Variants in AMZ1 observed in about 807,000 individuals in gnomAD.
AMZ1 encodes the protein archaemetzincin-1.
AMZ1 carries 39 observed loss-of-function variants against 29.9 expected under a neutral mutation model. The observed-to-expected ratio is 1.30, with a 90% CI of 1.01 to 1.70. AMZ1 has a LOEUF of 1.70. Among genes scored for constraint, AMZ1 ranks in the 40% most tolerant of loss-of-function variants. AMZ1 has a pLI of 0.00. For missense variants in AMZ1, 1,041 were observed against 680.6 expected (o/e 1.53, Z -5.89); for synonymous variants, 458 against 304.0 (o/e 1.51, Z -5.27).
upstream of AMZ1, chr7:2,760,304 T>C (rs1791497082): frequency 1.3e-5 from 2 of 152,488 alleles, no homozygotes; most frequent in South Asian, 4.1e-4. Flanking sequence ...CACAACCTGC[T>C]GTGTTCTGCA....
At chr7:2,722,335 C>T (rs1335065010), downstream of AMZ1, among the ~76,000 whole-genome samples, 6 of 151,630 alleles carry the variant, frequency 4.0e-5, no homozygotes, top group South Asian at 2.1e-4. Flanking sequence ...TGCAGTGGCG[C>T]GATCTCGGCT....
At chr7:2,733,420 C>A (rs1273636390) in intron 4 of AMZ1, 5 of 1,605,696 alleles carry the variant, frequency 3.1e-6, no homozygotes, top group Non-Finnish European at 3.4e-6. Context: ...ACCCTGGAGC[C>A]CAGCTTCTTC....
chr7:2,699,181 G>A (rs1031633152), intron 1 of AMZ1, among the ~76,000 whole-genome samples: 18 of 152,100 alleles, frequency 1.2e-4, no homozygotes, highest in African/African-American at 4.3e-4. Context: ...ATCCGCCCTG[G>A]CAGGTCTCAC....
chr7:2,749,543 G>A (rs1184682928), intron 4 of AMZ1, among the ~76,000 whole-genome samples: 1 of 151,806 alleles, frequency 6.6e-6, no homozygotes, highest in Non-Finnish European at 1.5e-5. Context: ...GATAGCATTA[G>A]GAGATATACC....
chr7:2,681,416 C>T (rs1009009668), intron 1 of AMZ1, among the ~76,000 whole-genome samples: 10 of 152,024 alleles, frequency 6.6e-5, no homozygotes, highest in Admixed American at 5.9e-4. Context: ...CCACCACGCC[C>T]GGCTAATTTT....
chr7:2,709,660 C>G lies in AMZ1; in HGVS notation c.792C>G (p.Cys264Trp), dbSNP rs1241621086. 6.2e-7 allele frequency: 1 copy of G among 1,609,910 alleles called. No individual in the cohort carries two copies. ...QCCKVTCHEL[C>W]HLLGLGNCRW... The stretch of plus-strand genomic sequence containing the variant: ...CCCAGGTCACGTGCCACGAGCTCTG[C>G]CACCTTCTGGGCCTGGGGAACTGCC... Residue 264 changes from cysteine (C) to tryptophan (W), a missense_variant, in exon 6 of 7, where the codon TGC becomes TGG. Transcript: ENST00000683327.
chr7:2,696,013 G>GAAA (rs35492098), intron 1 of AMZ1, among the ~76,000 whole-genome samples: 6 of 107,206 alleles, frequency 5.6e-5, no homozygotes, highest in Non-Finnish European at 6.3e-5. Context: ...TCTTGGGGGG[G>GAAA]AAAAAAAAAA....
Position 2,716,809 on chromosome 7 carries a change from G to T in AMZ1, c.*3931G>T, listed in dbSNP as rs1789149043. 6.6e-6 allele frequency among the ~76,000 whole-genome samples: 1 copy of T among 152,180 alleles called. No homozygotes were observed. The highest frequency in any genetic ancestry group is 2.4e-5 in the African/African-American group (1 of 41,422). ...AACGGAATTTTTTTACATCATCATC[G>T]AGTCTCGAAATGACCTGTAAGGCAG... On this transcript the variant is annotated 3_prime_UTR_variant, in exon 7 of 7. Transcript: ENST00000683327.
chr7:2,743,605 G>T (rs28835381), intron 4 of AMZ1, among the ~76,000 whole-genome samples: 1 of 152,182 alleles, frequency 6.6e-6, no homozygotes, highest in Non-Finnish European at 1.5e-5. Flanking sequence ...AGCTCCCAGC[G>T]TGAGCAATGC....
intron 1 of AMZ1, among the ~76,000 whole-genome samples, chr7:2,694,475 C>T (rs1408936700): frequency 1.3e-5 from 2 of 152,056 alleles, no homozygotes; most frequent in Non-Finnish European, 2.9e-5. Flanking sequence ...ATTTTATTTT[C>T]ATAGAGTAGA....
At chr7:2,721,262 T>C (rs1405004814), downstream of AMZ1, among the ~76,000 whole-genome samples, 4 of 152,222 alleles carry the variant, frequency 2.6e-5, no homozygotes, top group Non-Finnish European at 5.9e-5. Flanking sequence ...GGCCCTGTGC[T>C]GAGCGCTCAC....
intron 4 of AMZ1, among the ~76,000 whole-genome samples, chr7:2,748,687 G>A (rs1186700028): frequency 6.6e-6 from 1 of 152,170 alleles, no homozygotes; most frequent in Admixed American, 6.5e-5. Context: ...AAGAGTTTCT[G>A]CACAGCAAAA....
intron 4 of AMZ1, among the ~76,000 whole-genome samples, chr7:2,744,090 G>C (rs1008092870): frequency 5.9e-5 from 9 of 152,232 alleles, no homozygotes; most frequent in African/African-American, 1.9e-4. Flanking sequence ...TCCCCCTCTG[G>C]GGGCAGGGCA....
intron 1 of AMZ1, among the ~76,000 whole-genome samples, chr7:2,699,533 C>A (rs1314077807): frequency 1.4e-5 from 2 of 141,244 alleles, no homozygotes; most frequent in African/African-American, 2.5e-5. Flanking sequence ...GTACCCCCGC[C>A]CCCCCCCAAA....
chr7:2,698,335 T>G (rs750186164), intron 1 of AMZ1, among the ~76,000 whole-genome samples: 9 of 152,164 alleles, frequency 5.9e-5, no homozygotes, highest in Non-Finnish European at 1.2e-4. Context: ...GTCAGGAGTT[T>G]GAGACCAGCC....
rs140485254 is a variant in AMZ1, at chr7:2,700,746, C to T, written c.295C>T (p.Gln99Ter). 1.1e-4 allele frequency: 174 copies of T among 1,612,666 alleles called. No individual in the cohort carries two copies. Among genetic ancestry groups the T allele is most frequent in the Admixed American group, 2.3e-4 (14 of 60,026 alleles). ...CCTGGCTCGGAAGCACATCTACCTA[C>T]AGCCGATAGGTACGGGACGCCTGCA... is the stretch of plus-strand genomic sequence containing the variant. The part of the protein sequence containing the change: ...PRLARKHIYL[Q>*]PIDLSEEPVG... Residue 99 changes from glutamine to a stop codon, truncating the protein, a stop_gained, in exon 2 of 7, where the codon CAG becomes TAG. Coordinates refer to ENST00000683327, the MANE Select transcript of AMZ1 (RefSeq NM_001384743.1). LOFTEE classifies it high-confidence loss of function.
intron 4 of AMZ1, among the ~76,000 whole-genome samples, chr7:2,735,163 CCTCCTGCT>C (rs1790102813): frequency 6.6e-6 from 1 of 152,182 alleles, no homozygotes; most frequent in Non-Finnish European, 1.5e-5. Context: ...TCTCCTGCCT[CCTCCTGCT>C]CTCCTGCCCT....
At chr7:2,708,129 A>C (rs369002593) in intron 3 of AMZ1, among the ~76,000 whole-genome samples, 1 of 151,916 alleles carries the variant, frequency 6.6e-6, no homozygotes, top group Non-Finnish European at 1.5e-5. Context: ...GGCCTTACCG[A>C]GGGTTCTTGT....
intron 6 of AMZ1, 79 bp downstream of exon 6, chr7:2,709,895 G>A: frequency 6.4e-7 from 1 of 1,557,354 alleles, no homozygotes; most frequent in Non-Finnish European, 8.7e-7. Flanking sequence ...AGGCTACGCA[G>A]GGCATGGGGA....
Sources: gnomAD v4.1 joint callset for allele counts (sites outside exome capture counted in the v4.1 genomes callset) on GRCh38, gnomAD v4.1.1 for gene constraint, MANE v1.5 for transcripts, NCBI Gene and HGNC (gene_info 2026-07-23, HGNC 2026-07-21) for gene names.